Variants in ASMTL observed in about 807,000 individuals in gnomAD.
ASMTL encodes the protein probable bifunctional dTTP/UTP pyrophosphatase/methyltransferase protein.
In ASMTL, 57 loss-of-function variants were observed where a neutral mutation model predicts 60.3. The observed-to-expected ratio is 0.95, with a 90% CI of 0.76 to 1.18. The LOEUF is 1.18. Among genes scored for constraint, ASMTL ranks in the 50% most tolerant of loss-of-function variants. The probability of loss-of-function intolerance (pLI) is 0.00; values close to 1 mark genes in which losing one functional copy is unlikely to be tolerated. For synonymous variants in ASMTL, 419 were observed against 373.0 expected (o/e 1.12, Z -1.42); for missense variants, 981 against 852.6 (o/e 1.15, Z -1.88).
intron 4 of ASMTL, chrX:1,435,331 G>T: frequency 1.6e-6 from 1 of 614,988 alleles, no homozygotes; most frequent in Non-Finnish European, 2.9e-6. Flanking sequence ...TCTCAGCTGG[G>T]CCTATGGCGG....
At chrX:1,435,335 A>G (rs2090932573) in intron 4 of ASMTL, 1 of 614,586 alleles carries the variant, frequency 1.6e-6, no homozygotes, top group Non-Finnish European at 2.9e-6. Flanking sequence ...AGCTGGGCCT[A>G]TGGCGGGCAG....
At chrX:1,437,112 T>C (rs1469872972) in intron 3 of ASMTL, among the ~76,000 whole-genome samples, 83 of 150,412 alleles carry the variant, frequency 5.5e-4, no homozygotes, top group Non-Finnish European at 7.7e-4. Flanking sequence ...TGTCACAGAA[T>C]ACCACAGACT....
At chrX:1,414,465 T>A (rs1268294664) in intron 11 of ASMTL, among the ~76,000 whole-genome samples, 1 of 152,100 alleles carries the variant, frequency 6.6e-6, no homozygotes, top group African/African-American at 2.4e-5. Flanking sequence ...CCCAGCACTT[T>A]GGGAGGCCAA....
At chrX:1,411,109 TG>T (rs2090001254) in intron 12 of ASMTL, among the ~76,000 whole-genome samples, 1 of 150,734 alleles carries the variant, frequency 6.6e-6, no homozygotes, top group African/African-American at 2.4e-5. Flanking sequence ...ACTTGAACCC[TG>T]GGGGTGGAGG....
At chrX:1,435,875 T>C in intron 3 of ASMTL, 117 bp from the exon 4 acceptor site, 3 of 872,802 alleles carry the variant, frequency 3.4e-6, no homozygotes, top group Admixed American at 3.7e-5. Flanking sequence ...TGACACGTCC[T>C]GAGAGTCGCC....
At chrX:1,423,169 GTCTTGATCTCCTGAAC>G (rs2090524904) in intron 8 of ASMTL, among the ~76,000 whole-genome samples, 1 of 152,120 alleles carries the variant, frequency 6.6e-6, no homozygotes, top group Admixed American at 6.6e-5. Context: ...AGCCAGGATG[GTCTTGATCTCCTGAAC>G]TCGTGATCTG....
At chrX:1,432,757 A>C (rs761668374) in intron 5 of ASMTL, among the ~76,000 whole-genome samples, 6 of 152,092 alleles carry the variant, frequency 3.9e-5, no homozygotes, top group African/African-American at 1.4e-4. Flanking sequence ...TGAACCCGGG[A>C]GGTGCAGGTT....
At chrX:1,427,608 T>C in intron 7 of ASMTL, 126 bp downstream of exon 7, 5 of 1,016,394 alleles carry the variant, frequency 4.9e-6, no homozygotes, top group Non-Finnish European at 7.2e-6. Context: ...GGAGAAAGCA[T>C]GGCCCTGAGA....
Position 1,449,755 on chromosome X carries a change from A to G in ASMTL, c.93+2993T>C, listed in dbSNP as rs1353163971. 2.8e-4 allele frequency among the ~76,000 whole-genome samples: 41 copies of G among 145,272 alleles called. No homozygotes were observed. In the East Asian group the frequency reaches 6.3e-3, roughly 22 times the overall value. ...CAGTAACTATCCCCCATCACCAGTA[A>G]CTATGCCCCATCATCACCAGTAACT... On this transcript the variant is annotated intron_variant, in intron 1 of 12. Transcript: ENST00000381317.
chrX:1,450,587 T>C (rs1186721996), intron 1 of ASMTL, among the ~76,000 whole-genome samples: 31 of 80,036 alleles, frequency 3.9e-4, no homozygotes, highest in Middle Eastern at 0.011. Context: ...CTAGGGGCTC[T>C]GGGTCACTCT....
At chrX:1,423,787 TTCACCCACCCTCCCAA>T (rs1297719694) in intron 8 of ASMTL, among the ~76,000 whole-genome samples, 1 of 119,188 alleles carries the variant, frequency 8.4e-6, no homozygotes, top group Non-Finnish European at 1.7e-5. Context: ...CATCCATCTA[TTCACCCACCCTCCCAA>T]TCATCCACCC....
intron 12 of ASMTL, among the ~76,000 whole-genome samples, chrX:1,404,343 T>C (rs2089717430): frequency 6.6e-6 from 1 of 150,466 alleles, no homozygotes; most frequent in African/African-American, 2.5e-5. Context: ...GATGGATAGA[T>C]GAATGCATGG....
In ASMTL at chrX:1,415,867, C is replaced by G. The variant is rs771390815; in HGVS notation, c.1522+2106G>C. Among the ~76,000 whole-genome samples, 12 of 152,098 alleles carry G rather than the reference C, an allele frequency of 7.9e-5. No individual in the cohort carries two copies. In the East Asian group the frequency reaches 1.9e-3, roughly 25 times the overall value. On this transcript the variant is annotated intron_variant, in intron 11 of 12. Coordinates refer to ENST00000381317, the MANE Select transcript of ASMTL (RefSeq NM_004192.4). ...ACAGACACAGACACAGGCACACACACATATACCCATCCAGATGCACAGAAA... is the reference window on the plus strand; with the variant it reads ...ACAGACACAGACACAGGCACACACAGATATACCCATCCAGATGCACAGAAA...
At chrX:1,405,971 CGTAG>C (rs1569530692) in intron 12 of ASMTL, among the ~76,000 whole-genome samples, 6 of 125,656 alleles carry the variant, frequency 4.8e-5, no homozygotes, top group African/African-American at 1.8e-4. Flanking sequence ...ATGATGGGTA[CGTAG>C]ATAGATGAAT....
intron 12 of ASMTL, among the ~76,000 whole-genome samples, chrX:1,405,214 A>C: frequency 8.5e-6 from 1 of 118,090 alleles, no homozygotes; most frequent in East Asian, 2.4e-4. Flanking sequence ...AGATAGATGA[A>C]TGGATGGATA....
chrX:1,410,688 A>C (rs1481730790), intron 12 of ASMTL, among the ~76,000 whole-genome samples: 1 of 151,886 alleles, frequency 6.6e-6, no homozygotes, highest in African/African-American at 2.4e-5. Flanking sequence ...CTGGGATTAC[A>C]GGTGTGAGCC....
rs189431621 is a variant in ASMTL at position 1,450,406 on chromosome X, G to T, written c.93+2342C>A. 1.3e-3 allele frequency among the ~76,000 whole-genome samples: 198 copies of T among 151,782 alleles called. 5 individuals carry two copies. The East Asian group carries it at 0.035, about 27-fold the overall frequency. On this transcript the variant is annotated intron_variant, in intron 1 of 12. Coordinates refer to ENST00000381317, the MANE Select transcript of ASMTL (RefSeq NM_004192.4). ...GTCACTCACCTCCCCAATCCCTAGG[G>T]GTCCCAGGTCACTCCCCTCCCCCAC...
In ASMTL at chrX:1,412,045, G is replaced by A. The variant is rs189014842; in HGVS notation, c.1645+687C>T. On this transcript the variant is annotated intron_variant, in intron 12 of 12. Coordinates refer to ENST00000381317, the MANE Select transcript of ASMTL (RefSeq NM_004192.4). ...TTGGCCAGGCTGGTCTCAAACCCCC[G>A]ACCTCAGGTGATCCGCCCGCCTCGG... Among the ~76,000 whole-genome samples the A allele has an allele frequency of 2.0e-3, 301 of 150,506 alleles. 1 individual carries two copies. The highest frequency in any genetic ancestry group is 3.6e-3 in the Non-Finnish European group (245 of 67,564).
rs186938715 is a variant in ASMTL, at chrX:1,432,476, G to A, written c.401-99C>T. The A allele has an allele frequency of 3.5e-4, 289 of 836,056 alleles. No individual in the cohort carries two copies. In the East Asian group the frequency reaches 3.5e-3, roughly 10 times the overall value. 51.8% of individuals were successfully genotyped at this position (836,056 alleles called of 1,614,324 possible). ...GTGCTGTGGAGGTGTGTACTCGAGC[G>A]CAGCGCACAGTTCAGATATGGATGC... On this transcript the variant is annotated intron_variant, in intron 5 of 12. Coordinates refer to ENST00000381317, the MANE Select transcript of ASMTL (RefSeq NM_004192.4).
Sources: gnomAD v4.1 joint callset for allele counts (sites outside exome capture counted in the v4.1 genomes callset) on GRCh38, gnomAD v4.1.1 for gene constraint, MANE v1.5 for transcripts, NCBI Gene and HGNC (gene_info 2026-07-23, HGNC 2026-07-21) for gene names.